SLMAP: variants seen among roughly 807,000 people sequenced by gnomAD.
SLMAP encodes the protein sarcolemmal membrane-associated protein.
SLMAP carries 44 observed loss-of-function variants against 128.8 expected under a neutral mutation model. The ratio of observed to expected loss-of-function variants is 0.34; its 90% confidence interval spans 0.27 to 0.44. The LOEUF is 0.44. Among genes scored for constraint, SLMAP ranks in the 20% least tolerant of loss-of-function variants. The pLI is 1.00. For missense variants in SLMAP, 787 were observed against 985.3 expected, an observed-to-expected ratio of 0.80 and a Z score of 2.69; for synonymous variants, 327 against 348.8, an observed-to-expected ratio of 0.94 and a Z score of 0.70.
chr3:57,761,771 G>T (rs982971535), intron 2 of SLMAP, among the ~76,000 whole-genome samples: 7 of 151,848 alleles, frequency 4.6e-5, no homozygotes, highest in Admixed American at 2.0e-4. Context: ...AAGAAGGCCG[G>T]GCGCGGTGGC....
At chr3:57,829,114 T>C (rs2093147866) in intron 2 of SLMAP, among the ~76,000 whole-genome samples, 1 of 152,136 alleles carries the variant, frequency 6.6e-6, no homozygotes, top group Non-Finnish European at 1.5e-5. Flanking sequence ...TTTGAAAATA[T>C]GTTGTGGTTT....
At chr3:57,913,966 C>CA (rs952033233) in intron 21 of SLMAP, among the ~76,000 whole-genome samples, 2,377 of 138,224 alleles carry the variant, frequency 0.017, 53 homozygotes, top group African/African-American at 0.049. Context: ...TCAAACAAAC[C>CA]AAAAAAAAAA....
At chr3:57,887,217 T>C (rs989734259) in intron 14 of SLMAP, among the ~76,000 whole-genome samples, 1 of 151,536 alleles carries the variant, frequency 6.6e-6, no homozygotes, top group African/African-American at 2.4e-5. Context: ...TATAATATAG[T>C]AATAAATAAG....
Position 57,874,877 on chromosome 3 carries a change from T to TAG in SLMAP, c.1300+3179_1300+3180insAG, listed in dbSNP as rs567505656. On this transcript the variant is annotated intron_variant, in intron 14 of 24. Transcript: ENST00000671191. ...TCTGTCTCAAAAAAAAAAAAAAAGC[T>TAG]TTTTACTTTTTAATGTCTATTTTAT... 2.0e-5 allele frequency among the ~76,000 whole-genome samples: 3 copies of TAG among 151,684 alleles called. No individual in the cohort carries two copies. The South Asian group carries it at 6.3e-4, about 32-fold the overall frequency.
intron 17 of SLMAP, among the ~76,000 whole-genome samples, chr3:57,903,240 C>CTAT (rs1474856249): frequency 2.0e-5 from 3 of 152,130 alleles, no homozygotes; most frequent in African/African-American, 7.2e-5. Flanking sequence ...CTACCTTAAG[C>CTAT]TATTTGACAT....
Position 57,923,163 on chromosome 3 carries a change from G to A in SLMAP, c.2445+140G>A, listed in dbSNP as rs527957854. The A allele has an allele frequency of 2.8e-4, 228 of 826,406 alleles. 3 individuals are homozygous for A. The South Asian group carries it at 3.4e-3, about 12-fold the overall frequency. The allele number at this position is 826,406 out of a possible 1,614,324, so 51.2% of individuals were successfully genotyped here. ...CTTTTCATTATGAAATTCCATGATA[G>A]AATCATTGTGCTGTCAGATTTTTGA... On this transcript the variant is annotated intron_variant, in intron 23 of 24. Coordinates refer to ENST00000671191, the MANE Select transcript of SLMAP (RefSeq NM_001377540.1).
At chr3:57,864,750 A>AT in intron 11 of SLMAP, 34 bp downstream of exon 11, 6 of 1,561,690 alleles carry the variant, frequency 3.8e-6, no homozygotes, top group South Asian at 1.2e-5. Flanking sequence ...ATTTTATTTT[A>AT]TTTTTTTTCT....
intron 4 of SLMAP, 57 bp from the exon 5 acceptor site, chr3:57,847,140 A>T (rs1449241031): frequency 1.8e-6 from 2 of 1,135,052 alleles, no homozygotes; most frequent in Non-Finnish European, 2.6e-6. Flanking sequence ...GTGCTCTCAT[A>T]CTCTGTTTCC....
chr3:57,763,243 T>G (rs1479273556), intron 2 of SLMAP, among the ~76,000 whole-genome samples: 1 of 152,164 alleles, frequency 6.6e-6, no homozygotes, highest in Non-Finnish European at 1.5e-5. Context: ...AGTTGTCTAC[T>G]TCTAGTCTCA....
intron 13 of SLMAP, among the ~76,000 whole-genome samples, chr3:57,871,083 T>TA (rs1457206883): frequency 6.6e-6 from 1 of 152,228 alleles, no homozygotes; most frequent in Non-Finnish European, 1.5e-5. Flanking sequence ...TGGGCAGAGA[T>TA]AAACAATTTA....
At chr3:57,871,738 C>T (rs1560349017) in intron 14 of SLMAP, 40 bp downstream of exon 14, 7 of 1,486,442 alleles carry the variant, frequency 4.7e-6, no homozygotes, top group Non-Finnish European at 6.6e-6. Context: ...TTAATGAAGT[C>T]AGGGGCTAAA....
In SLMAP at chr3:57,906,313, T is replaced by TTTC. The variant is rs1559512739; in HGVS notation, c.1502-1569_1502-1568insCTT. Among the ~76,000 whole-genome samples, 537 of 117,432 alleles carry TTTC rather than the reference T, an allele frequency of 4.6e-3. 5 individuals carry two copies. The highest frequency in any genetic ancestry group is 5.1e-3 in the Non-Finnish European group (296 of 57,482). The allele number at this position is 117,432 out of a possible 152,430, so 77.0% of individuals were successfully genotyped here. On this transcript the variant is annotated intron_variant, in intron 17 of 24. Coordinates refer to ENST00000671191, the MANE Select transcript of SLMAP (RefSeq NM_001377540.1). ...TCAAATTTTTTTCTTTTTTTTTCTT[T>TTTC]TTTTTTTTTTTTTTTTTTTAGAGAC... is the stretch of plus-strand genomic sequence containing the variant.
At chr3:57,809,459 CAT>C (rs1377552355) in intron 2 of SLMAP, among the ~76,000 whole-genome samples, 1 of 152,204 alleles carries the variant, frequency 6.6e-6, no homozygotes, top group Non-Finnish European at 1.5e-5. Context: ...TGCTGACAAA[CAT>C]AGGAAGGAAG....
chr3:57,805,696 G>A (rs1189060852), intron 2 of SLMAP, among the ~76,000 whole-genome samples: 5 of 151,958 alleles, frequency 3.3e-5, no homozygotes, highest in African/African-American at 4.8e-5. Context: ...CCCTATAGTC[G>A]CAAGTTCTCT....
At chr3:57,822,226 TA>T (rs2092582845) in intron 2 of SLMAP, among the ~76,000 whole-genome samples, 1 of 152,290 alleles carries the variant, frequency 6.6e-6, no homozygotes, top group African/African-American at 2.4e-5. Context: ...AGGAAGTCTT[TA>T]TACATGAAAT....
intron 14 of SLMAP, among the ~76,000 whole-genome samples, chr3:57,875,911 T>G (rs2095595198): frequency 6.6e-6 from 1 of 152,220 alleles, no homozygotes. Flanking sequence ...TTAAGTAAAT[T>G]TATACTCAAG....
At chr3:57,891,287 A>G (rs2096063999) in intron 15 of SLMAP, 1 of 151,168 alleles carries the variant, frequency 6.6e-6, no homozygotes, top group Non-Finnish European at 1.5e-5. Flanking sequence ...ATTAGAAAAT[A>G]TTTTCTTGAA....
intron 14 of SLMAP, among the ~76,000 whole-genome samples, chr3:57,884,516 A>G (rs1329071604): frequency 6.6e-6 from 1 of 152,220 alleles, no homozygotes; most frequent in African/African-American, 2.4e-5. Flanking sequence ...ACATATTGAT[A>G]CTGATATTTA....
chr3:57,902,798 G>A (rs1430484181), intron 17 of SLMAP, among the ~76,000 whole-genome samples: 1 of 152,138 alleles, frequency 6.6e-6, no homozygotes, highest in Non-Finnish European at 1.5e-5. Flanking sequence ...TTTGGCACAT[G>A]CTAAACAGGA....
Sources: gnomAD v4.1 joint callset for allele counts (sites outside exome capture counted in the v4.1 genomes callset) on GRCh38, gnomAD v4.1.1 for gene constraint, MANE v1.5 for transcripts, NCBI Gene and HGNC (gene_info 2026-07-23, HGNC 2026-07-21) for gene names.